The following FLI1 variants were observed in gnomAD, a reference collection of about 807,000 sequenced individuals.
FLI1 encodes the protein Friend leukemia integration 1 transcription factor.
Under a neutral mutation model 53.1 loss-of-function variants are expected in FLI1, and 13 were observed. The observed-to-expected ratio is 0.24, with a 90% CI of 0.16 to 0.39. The LOEUF (loss-of-function observed/expected upper bound fraction) is 0.39, where lower values mean the gene tolerates loss of function less well. FLI1 is among the 10% of genes least tolerant of loss of function. FLI1 has a pLI of 1.00. For synonymous variants in FLI1, 244 were observed against 236.7 expected (o/e 1.03, Z -0.28); for missense variants, 424 against 600.5 (o/e 0.71, Z 3.07).
chr11:128,759,414 C>T (rs1941024249), intron 2 of FLI1, among the ~76,000 whole-genome samples: 2 of 152,176 alleles, frequency 1.3e-5, no homozygotes, highest in South Asian at 2.1e-4. Context: ...ACAGTCCTTG[C>T]GCACAGACGG....
chr11:128,699,121 A>G (rs1938213780), intron 1 of FLI1, among the ~76,000 whole-genome samples: 1 of 152,224 alleles, frequency 6.6e-6, no homozygotes, highest in Non-Finnish European at 1.5e-5. Flanking sequence ...AAGGCATCTT[A>G]TGGATCCATC....
chr11:128,726,923 C>G (rs928742174), intron 1 of FLI1, among the ~76,000 whole-genome samples: 1 of 151,804 alleles, frequency 6.6e-6, no homozygotes, highest in African/African-American at 2.4e-5. Flanking sequence ...GGAGGGACAA[C>G]GGCTGGGGCA....
intron 3 of FLI1, among the ~76,000 whole-genome samples, chr11:128,772,358 G>C (rs1211056024): frequency 1.3e-5 from 2 of 152,184 alleles, no homozygotes; most frequent in African/African-American, 2.4e-5. Context: ...AAGTCTCTCT[G>C]TTTCTTTTCT....
chr11:128,727,310 C>T (rs889324299), intron 1 of FLI1, among the ~76,000 whole-genome samples: 39 of 152,232 alleles, frequency 2.6e-4, no homozygotes, highest in African/African-American at 8.4e-4. Flanking sequence ...CCATACCTGG[C>T]AAACAGTAGC....
rs1350502890 is a variant in FLI1, at chr11:128,697,120, G to A, written c.18+2844G>A. On this transcript the variant is annotated intron_variant, in intron 1 of 8. Transcript: ENST00000527786. ...CAGTATTAAACAACACCCGACCCAC[G>A]CCCCTGCTTCCCACACTGATATTAT... 2.6e-5 allele frequency among the ~76,000 whole-genome samples: 4 copies of A among 152,060 alleles called. No homozygotes were observed. The South Asian group carries it at 6.2e-4, about 24-fold the overall frequency.
intron 1 of FLI1, among the ~76,000 whole-genome samples, chr11:128,702,302 A>G (rs1021720554): frequency 6.6e-6 from 1 of 152,228 alleles, no homozygotes; most frequent in Non-Finnish European, 1.5e-5. Flanking sequence ...GAGAGTAGAC[A>G]TTTCTCTTCT....
chr11:128,800,950 G>T (rs1158864068), intron 5 of FLI1, among the ~76,000 whole-genome samples: 2 of 152,206 alleles, frequency 1.3e-5, no homozygotes, highest in Admixed American at 1.3e-4. Flanking sequence ...GTAAAGCCAA[G>T]GTGTCAGCCT....
chr11:128,779,839 A>G (rs1941853887), intron 4 of FLI1, among the ~76,000 whole-genome samples: 1 of 152,240 alleles, frequency 6.6e-6, no homozygotes, highest in African/African-American at 2.4e-5. Flanking sequence ...CACAAAATGT[A>G]CTTACACAAA....
chr11:128,757,299 T>C (rs1251719129), intron 1 of FLI1, among the ~76,000 whole-genome samples: 1 of 151,980 alleles, frequency 6.6e-6, no homozygotes, highest in Non-Finnish European at 1.5e-5. Flanking sequence ...AAGTCAGTGA[T>C]GGGATAATAT....
intron 1 of FLI1, among the ~76,000 whole-genome samples, chr11:128,695,116 G>T (rs2135688468): frequency 6.6e-6 from 1 of 152,208 alleles, no homozygotes; most frequent in South Asian, 2.1e-4. Flanking sequence ...TGCAGGGGCC[G>T]GCTGTGAGCC....
chr11:128,707,504 G>T (rs1938597594), intron 1 of FLI1, among the ~76,000 whole-genome samples: 2 of 152,174 alleles, frequency 1.3e-5, no homozygotes, highest in Non-Finnish European at 2.9e-5. Context: ...CCAGCATGTG[G>T]AGACTTCCCA....
In FLI1 at chr11:128,811,617, AAT is replaced by A. The variant is rs749209355; in HGVS notation, c.*631_*632del. On this transcript the variant is annotated 3_prime_UTR_variant, in exon 9 of 9. Coordinates refer to ENST00000527786, the MANE Select transcript of FLI1 (RefSeq NM_002017.5). Reference sequence around the variant, plus strand: ...CACTCAGCTGACCACTCTCTCTAGAAATAGTCAAGATATGAACTAAGAAATTT... The same window carrying A: ...CACTCAGCTGACCACTCTCTCTAGAAAGTCAAGATATGAACTAAGAAATTT... 18 of 214,078 alleles carry A rather than the reference AAT, an allele frequency of 8.4e-5. No homozygotes were observed. Among genetic ancestry groups the A allele is most frequent in the Non-Finnish European group, 1.6e-4 (17 of 105,918 alleles). The allele number at this position is 214,078 out of a possible 1,614,324, so 13.3% of individuals were successfully genotyped here.
chr11:128,772,059 CACACACACACACACACACA>C (rs1941582693), intron 3 of FLI1, among the ~76,000 whole-genome samples: 1 of 150,816 alleles, frequency 6.6e-6, no homozygotes, highest in African/African-American at 2.5e-5. Context: ...CACACACACA[CACACACACACACACACACA>C]TACACACACT....
chr11:128,728,603 CCT>C (rs1241402501), intron 1 of FLI1, among the ~76,000 whole-genome samples: 2 of 152,220 alleles, frequency 1.3e-5, no homozygotes, highest in African/African-American at 4.8e-5. Flanking sequence ...CCCAGTATGC[CCT>C]GAGTGTCCTT....
intron 2 of FLI1, among the ~76,000 whole-genome samples, chr11:128,765,492 G>A (rs570586985): frequency 6.6e-6 from 1 of 152,340 alleles, no homozygotes; most frequent in South Asian, 2.1e-4. Context: ...CAAACGGGAG[G>A]AGCCCGGGGA....
At chr11:128,762,304 A>T (rs1241212585) in intron 2 of FLI1, among the ~76,000 whole-genome samples, 1 of 152,194 alleles carries the variant, frequency 6.6e-6, no homozygotes, top group East Asian at 1.9e-4. Context: ...ATAGGAGAGG[A>T]TGTTATAATG....
At chr11:128,697,209 A>G (rs1318734951) in intron 1 of FLI1, among the ~76,000 whole-genome samples, 2 of 152,238 alleles carry the variant, frequency 1.3e-5, no homozygotes, top group African/African-American at 2.4e-5. Context: ...CAAAAACTGC[A>G]TCTTAATTTT....
At chr11:128,738,382 C>G (rs371545810) in intron 1 of FLI1, among the ~76,000 whole-genome samples, 1 of 152,216 alleles carries the variant, frequency 6.6e-6, no homozygotes, top group African/African-American at 2.4e-5. Flanking sequence ...TCACCTTTCT[C>G]TCATTACTCA....
chr11:128,723,910 G>C (rs1565467146), intron 1 of FLI1, among the ~76,000 whole-genome samples: 1 of 149,882 alleles, frequency 6.7e-6, no homozygotes, highest in Non-Finnish European at 1.5e-5. Context: ...CAGATTTATA[G>C]AGGAGGAGGA....
Sources: gnomAD v4.1 joint callset for allele counts (sites outside exome capture counted in the v4.1 genomes callset) on GRCh38, gnomAD v4.1.1 for gene constraint, MANE v1.5 for transcripts, NCBI Gene and HGNC (gene_info 2026-07-23, HGNC 2026-07-21) for gene names.